Variants in RERE observed in about 807,000 individuals in gnomAD.
RERE encodes arginine-glutamic acid dipeptide repeats protein.
In RERE, 40 loss-of-function variants were observed where a neutral mutation model predicts 146.1. That is an observed-to-expected ratio of 0.27 (90% CI 0.21 to 0.36). RERE has a LOEUF of 0.36. RERE is among the 10% of genes least tolerant of loss of function. The pLI, the probability that RERE is intolerant of heterozygous loss-of-function variation, is 1.00. For synonymous variants in RERE, 1,003 were observed against 866.0 expected, an observed-to-expected ratio of 1.16 and a Z score of -2.78; for missense variants, 1,933 against 2,138.7, an observed-to-expected ratio of 0.90 and a Z score of 1.90.
chr1:8,732,756 A>G (rs1467657589), intron 1 of RERE, among the ~76,000 whole-genome samples: 3 of 143,266 alleles, frequency 2.1e-5, no homozygotes, highest in East Asian at 4.2e-4. Flanking sequence ...GTGTGTCTGT[A>G]TATGTGTGTG....
chr1:8,389,082 A>T (rs1642789555), intron 12 of RERE, among the ~76,000 whole-genome samples: 1 of 152,214 alleles, frequency 6.6e-6, no homozygotes, highest in Admixed American at 6.5e-5. Context: ...GTGCTTATGA[A>T]ATGACACTTC....
chr1:8,587,041 A>C (rs1646435455), intron 4 of RERE, among the ~76,000 whole-genome samples: 1 of 152,208 alleles, frequency 6.6e-6, no homozygotes, highest in South Asian at 2.1e-4. Context: ...TGCCACAGAC[A>C]TAAAGCTTCT....
chr1:8,671,144 T>G (rs111706156), intron 1 of RERE, among the ~76,000 whole-genome samples: 1 of 152,324 alleles, frequency 6.6e-6, no homozygotes, highest in African/African-American at 2.4e-5. Flanking sequence ...GAGTCCTCAG[T>G]GCACAAGTAC....
At chr1:8,357,499 A>G (rs1225877183) in intron 20 of RERE, among the ~76,000 whole-genome samples, 1 of 152,186 alleles carries the variant, frequency 6.6e-6, no homozygotes, top group African/African-American at 2.4e-5. Context: ...CCCTGCACGT[A>G]GGCTGTCCCA....
At chr1:8,621,813 T>C (rs1289888897) in intron 3 of RERE, among the ~76,000 whole-genome samples, 3 of 152,226 alleles carry the variant, frequency 2.0e-5, no homozygotes, top group Non-Finnish European at 2.9e-5. Context: ...TTTACCCTTA[T>C]AGCTTCAGTA....
intron 1 of RERE, among the ~76,000 whole-genome samples, chr1:8,769,089 G>A (rs927507693): frequency 1.1e-4 from 16 of 152,202 alleles, no homozygotes; most frequent in Non-Finnish European, 1.9e-4. Flanking sequence ...GTGAGTAGTT[G>A]TGACCATCTG....
chr1:8,810,590 G>A (rs1364010879), intron 1 of RERE, among the ~76,000 whole-genome samples: 4 of 152,084 alleles, frequency 2.6e-5, no homozygotes, highest in African/African-American at 9.7e-5. Context: ...CTGGATGACA[G>A]AGCAAGACCT....
intron 2 of RERE, among the ~76,000 whole-genome samples, chr1:8,628,779 A>G (rs1647002910): frequency 6.6e-6 from 1 of 152,220 alleles, no homozygotes; most frequent in East Asian, 1.9e-4. Context: ...GTTGGAATAT[A>G]TGCCCAGTAA....
At chr1:8,405,471 C>A (rs1021451241) in intron 12 of RERE, among the ~76,000 whole-genome samples, 1 of 151,986 alleles carries the variant, frequency 6.6e-6, no homozygotes, top group Non-Finnish European at 1.5e-5. Flanking sequence ...AAGATCAATA[C>A]AGATAAGTTT....
At chr1:8,402,189 T>C (rs192009677) in intron 12 of RERE, among the ~76,000 whole-genome samples, 5 of 152,298 alleles carry the variant, frequency 3.3e-5, no homozygotes, top group African/African-American at 9.6e-5. Flanking sequence ...CTTCTAAGGC[T>C]AGGTCAGAAA....
chr1:8,574,979 T>C (rs1033415332), intron 4 of RERE, among the ~76,000 whole-genome samples: 9 of 152,240 alleles, frequency 5.9e-5, no homozygotes, highest in Non-Finnish European at 1.3e-4. Context: ...AAAAGTCTAA[T>C]TCGCAAATGC....
rs1641161799 is a variant in RERE, at chr1:8,781,365, A to AAC, written c.-145+35794_-145+35795insGT. Among the ~76,000 whole-genome samples the AAC allele has an allele frequency of 4.0e-5, 6 of 151,616 alleles. No homozygotes were observed. The South Asian group carries it at 1.0e-3, about 26-fold the overall frequency. ...GAGCAAGACTCCGTCTCAAAAAAAAAAAAACAACTTTTTTTTAAATTAGCT... is the reference window on the plus strand; with the variant it reads ...GAGCAAGACTCCGTCTCAAAAAAAAAACAAAACAACTTTTTTTTAAATTAGCT... On this transcript the variant is annotated intron_variant, in intron 1 of 22. Coordinates refer to ENST00000400908, the MANE Select transcript of RERE (RefSeq NM_001042681.2).
chr1:8,754,965 T>C (rs1640607788), intron 1 of RERE, among the ~76,000 whole-genome samples: 2 of 152,254 alleles, frequency 1.3e-5, no homozygotes, highest in African/African-American at 2.4e-5. Context: ...ATCTTATGTA[T>C]TTATTTCCAC....
intron 1 of RERE, among the ~76,000 whole-genome samples, chr1:8,683,074 C>T (rs1318415472): frequency 1.5e-5 from 2 of 130,230 alleles, no homozygotes; most frequent in African/African-American, 5.6e-5. Context: ...CTCAAAAATT[C>T]TATTAGTATA....
At chr1:8,535,247 T>C (rs1357003975) in intron 7 of RERE, among the ~76,000 whole-genome samples, 1 of 152,194 alleles carries the variant, frequency 6.6e-6, no homozygotes, top group Non-Finnish European at 1.5e-5. Flanking sequence ...ACTGAAAAAC[T>C]GTTCCAGATT....
Position 8,355,021 on chromosome 1 carries a change from G to A in RERE, c.*66C>T. 7.4e-7 allele frequency: 1 copy of A among 1,359,100 alleles called. No individual in the cohort carries two copies. The highest frequency in any genetic ancestry group is 1.0e-6 in the Non-Finnish European group (1 of 962,616). 84.2% of individuals were successfully genotyped at this position (1,359,100 alleles called of 1,614,324 possible). A position where few individuals can be genotyped will look rare whatever the true frequency, so the allele number is the denominator to read the frequency against. On this transcript the variant is annotated 3_prime_UTR_variant, in exon 23 of 23. Coordinates refer to ENST00000400908, the MANE Select transcript of RERE (RefSeq NM_001042681.2). Reference sequence around the variant, plus strand: ...TTTGCTTTTGCAGCTCCTATTTTATGTAAAAAGTCCTGTTTCTCCCCCCAA... The same window carrying A: ...TTTGCTTTTGCAGCTCCTATTTTATATAAAAAGTCCTGTTTCTCCCCCCAA...
In RERE at chr1:8,360,842, G is replaced by A. The variant is rs1161009125; in HGVS notation, c.2665C>T (p.Pro889Ser). Reference protein sequence around the residue: ...SQGQAPLGTSPAAAYPHTSLQ... With the variant: ...SQGQAPLGTSSAAAYPHTSLQ... ...GAGGTGTGAGGGTACGCTGCTGCTGGGGAGGTCCCCAGAGGGGCCTGGCCT... is the reference window on the plus strand; with the variant it reads ...GAGGTGTGAGGGTACGCTGCTGCTGAGGAGGTCCCCAGAGGGGCCTGGCCT... Residue 889 changes from proline (P) to serine (S), a missense_variant, in exon 18 of 23, where the codon CCA (proline) becomes TCA (serine). Transcript: ENST00000400908. 9.7e-6 allele frequency: 15 copies of A among 1,542,338 alleles called. No homozygotes were observed. Among genetic ancestry groups the A allele is most frequent in the Non-Finnish European group, 1.2e-5 (14 of 1,149,896 alleles).
intron 3 of RERE, among the ~76,000 whole-genome samples, chr1:8,623,003 C>T (rs9782910): frequency 2.6e-5 from 4 of 152,138 alleles, no homozygotes; most frequent in African/African-American, 7.2e-5. Flanking sequence ...TAAGGAATTA[C>T]GAATTCTCTA....
At chr1:8,357,535 G>A (rs1047905453) in intron 20 of RERE, among the ~76,000 whole-genome samples, 2 of 152,194 alleles carry the variant, frequency 1.3e-5, no homozygotes, top group Non-Finnish European at 2.9e-5. Flanking sequence ...AAGTCCCATG[G>A]AGCAGGTGAA....
Sources: allele counts gnomAD v4.1 joint callset (sites outside exome capture counted in the v4.1 genomes callset), GRCh38; gene constraint gnomAD v4.1.1; transcripts MANE v1.5; gene names NCBI Gene and HGNC (gene_info 2026-07-23, HGNC 2026-07-21).